RBM4: variants seen among roughly 807,000 people sequenced by gnomAD.
RBM4 encodes RNA binding motif protein 4, also known as RNA-binding protein 4.
A neutral mutation model predicts 29.5 loss-of-function variants in RBM4; 7 were observed. That is an observed-to-expected ratio of 0.24 (90% CI 0.14 to 0.45). The LOEUF is 0.45. Ranked by LOEUF, RBM4 falls within the 20% of genes least tolerant of loss-of-function variation. The pLI, the probability that RBM4 is intolerant of heterozygous loss-of-function variation, is 1.00. For synonymous variants in RBM4, 220 were observed against 205.4 expected (o/e 1.07, Z -0.61); for missense variants, 387 against 502.3 (o/e 0.77, Z 2.19).
chr11:66,648,444 C>T (rs1938755757), downstream of RBM4, among the ~76,000 whole-genome samples: 1 of 151,986 alleles, frequency 6.6e-6, no homozygotes, highest in Non-Finnish European at 1.5e-5. Flanking sequence ...ATCACTTGAA[C>T]CCAGAAAGTC....
intron 2 of RBM4, among the ~76,000 whole-genome samples, chr11:66,661,899 G>T (rs753022098): frequency 6.6e-6 from 1 of 152,054 alleles, no homozygotes; most frequent in South Asian, 2.1e-4. Context: ...GCGTGGTGGC[G>T]CGCGACTGTG....
chr11:66,660,204 T>G lies in RBM4; in HGVS notation c.413-5652T>G, dbSNP rs745743565. ...TTTAGAGCTAACTTAACTTCAGGTC[T>G]TAGCTTCAGGATCAAGTATTGGAAT... is the stretch of plus-strand genomic sequence containing the variant. On this transcript the variant is annotated intron_variant, in intron 2 of 2. Coordinates refer to the RBM4 transcript ENST00000396053. Among the ~76,000 whole-genome samples the G allele has an allele frequency of 6.5e-4, 98 of 151,720 alleles. 1 individual carries two copies. The highest frequency in any genetic ancestry group is 3.4e-3 in the Middle Eastern group (1 of 294).
chr11:66,665,710 G>C (rs1590877710), intron 2 of RBM4: 57 of 1,439,172 alleles, frequency 4.0e-5, no homozygotes, highest in Non-Finnish European at 5.0e-5. Context: ...AGTCAGACTG[G>C]ATCTAACTCA....
intron 2 of RBM4, among the ~76,000 whole-genome samples, chr11:66,651,623 C>T (rs1054312630): frequency 2.6e-5 from 4 of 152,208 alleles, no homozygotes; most frequent in African/African-American, 9.6e-5. Flanking sequence ...GCTGGGATTA[C>T]AGGCGTGAGC....
rs1938565972 is a variant in RBM4 at position 66,643,702 on chromosome 11, A to C, written c.665A>C (p.Tyr222Ser). ...GCGTACGGAGCGCTCGATGCCTACT[A>C]CAAGCGCTGCCGTGCTGCCCGGTCC... ...NNAYGALDAY[Y>S]KRCRAARSYE... The change falls in exon 3 of 4, where the codon TAC becomes TCC. Residue 222 changes from tyrosine (Y) to serine (S), a missense_variant. Around this residue, in one of 2 missense-constraint regions of RBM4, gnomAD observed 281 missense variants for 288.7 expected, o/e 0.97. Transcript: ENST00000310092. The surrounding 1 kb of genome is among the most constrained non-coding windows in gnomAD (Gnocchi z 6.1). 1 of 1,614,016 alleles carries C rather than the reference A, an allele frequency of 6.2e-7. No individual in the cohort carries two copies.
At position 66,646,318 on chromosome 11, in the gene RBM4, TC is replaced by T; in HGVS notation, c.*303del. ...CTGTGGTGGGGGCTGTGCTGTCTCC[TC>T]CCTGCCTCCTGCCTCCTGCGGCTGT... is the stretch of plus-strand genomic sequence containing the variant. On this transcript the variant is annotated 3_prime_UTR_variant, in exon 4 of 4. Transcript: ENST00000310092. 1 of 1,301,490 alleles carries T rather than the reference TC, an allele frequency of 7.7e-7. No homozygotes were observed. Among genetic ancestry groups the T allele is most frequent in the Non-Finnish European group, 9.8e-7 (1 of 1,020,920 alleles). 80.6% of individuals were successfully genotyped at this position (1,301,490 alleles called of 1,614,324 possible). A position where few individuals can be genotyped will look rare whatever the true frequency, so the allele number is the denominator to read the frequency against.
chr11:66,643,710 T>G lies in RBM4; in HGVS notation c.673T>G (p.Cys225Gly), dbSNP rs746995930. The G allele has an allele frequency of 1.2e-6, 2 of 1,614,150 alleles. No homozygotes were observed. The highest frequency in any genetic ancestry group is 1.7e-5 in the Admixed American group (1 of 60,016). The change falls in exon 3 of 4, where the codon TGC (cysteine) becomes GGC (glycine). Residue 225 changes from cysteine (C) to glycine (G), a missense_variant. Cys to Gly is a radical substitution (Grantham distance 159). Coordinates refer to ENST00000310092, the MANE Select transcript of RBM4 (RefSeq NM_002896.4). This position sits in a 1 kb window ranked among gnomAD's most constrained non-coding sequence, Gnocchi z 6.1. ...YGALDAYYKR[C>G]RAARSYEAVA... ...AGCGCTCGATGCCTACTACAAGCGC[T>G]GCCGTGCTGCCCGGTCCTATGAGGC...
intron 2 of RBM4, chr11:66,665,051 G>A (rs1387507479): frequency 6.6e-6 from 1 of 152,544 alleles, no homozygotes; most frequent in African/African-American, 2.4e-5. Context: ...AAAGGGAGGA[G>A]TGGAGTAAAA....
At chr11:66,642,239 T>C (rs1938498167) in intron 2 of RBM4, among the ~76,000 whole-genome samples, 1 of 152,256 alleles carries the variant, frequency 6.6e-6, no homozygotes, top group African/African-American at 2.4e-5. Flanking sequence ...TTTACCACTT[T>C]CTCTAATGTT....
chr11:66,656,274 C>T (rs1166694978), intron 2 of RBM4, among the ~76,000 whole-genome samples: 1 of 152,062 alleles, frequency 6.6e-6, no homozygotes, highest in Non-Finnish European at 1.5e-5. Flanking sequence ...GTAGCTGGGA[C>T]TACAGGCACC....
exon 3 of RBM4, chr11:66,666,096 A>G: frequency 1.1e-6 from 1 of 872,134 alleles, no homozygotes; most frequent in Non-Finnish European, 1.7e-6. Context: ...ACCCAATTCC[A>G]ACACACCTAC....
rs1938690593 is a variant in RBM4 at position 66,646,324 on chromosome 11, C to A, written c.*306C>A. The A allele has an allele frequency of 7.8e-7, 1 of 1,279,014 alleles. No homozygotes were observed. The highest frequency in any genetic ancestry group is 9.9e-7 in the Non-Finnish European group (1 of 1,008,014). The allele number at this position is 1,279,014 out of a possible 1,614,324, so 79.2% of individuals were successfully genotyped here. ...TGGGGGCTGTGCTGTCTCCTCCCTG[C>A]CTCCTGCCTCCTGCGGCTGTTGGAT... On this transcript the variant is annotated 3_prime_UTR_variant, in exon 4 of 4. Transcript: ENST00000310092.
rs1938370891 is a variant in RBM4 at position 66,640,083 on chromosome 11, A to C, written c.372A>C (p.Ala124=). The C allele has an allele frequency of 3.7e-6, 6 of 1,614,132 alleles. No homozygotes were observed. Among genetic ancestry groups the C allele is most frequent in the Non-Finnish European group, 5.1e-6 (6 of 1,180,052 alleles). ...TACACATGGAGCGGGCAGAGGATGCAGTGGAGGCCATCAGGGGCCTTGATA... is the reference window on the plus strand; with the variant it reads ...TACACATGGAGCGGGCAGAGGATGCCGTGGAGGCCATCAGGGGCCTTGATA... ...AFVHMERAED[A]VEAIRGLDNT... The change falls in exon 2 of 4, where the codon GCA becomes GCC. Residue 124 remains alanine, a synonymous_variant. Coordinates refer to ENST00000310092, the MANE Select transcript of RBM4 (RefSeq NM_002896.4).
At chr11:66,654,627 G>GGGT (rs1938904654) in intron 2 of RBM4, among the ~76,000 whole-genome samples, 1 of 151,454 alleles carries the variant, frequency 6.6e-6, no homozygotes, top group Non-Finnish European at 1.5e-5. Context: ...TCAGCCTCCT[G>GGGT]GGTAGCTGGG....
intron 2 of RBM4, among the ~76,000 whole-genome samples, chr11:66,651,692 A>G (rs1938835623): frequency 2.0e-5 from 3 of 152,144 alleles, no homozygotes; most frequent in South Asian, 4.1e-4. Flanking sequence ...GTAACAAAAG[A>G]CCGTAAGACT....
chr11:66,657,545 T>C (rs1041420852), intron 2 of RBM4, among the ~76,000 whole-genome samples: 11 of 151,216 alleles, frequency 7.3e-5, no homozygotes, highest in African/African-American at 2.4e-4. Flanking sequence ...TAGCCAGTTG[T>C]CGTGGTGCGC....
At chr11:66,664,917 A>T (rs1939169451) in intron 2 of RBM4, 1 of 152,344 alleles carries the variant, frequency 6.6e-6, no homozygotes, top group African/African-American at 2.4e-5. Flanking sequence ...TTCCTTCTAT[A>T]TCTAAATTTC....
intron 2 of RBM4, among the ~76,000 whole-genome samples, chr11:66,657,791 G>A (rs1486065584): frequency 1.3e-5 from 2 of 150,288 alleles, no homozygotes; most frequent in Non-Finnish European, 2.9e-5. Context: ...AGGCTGGAGT[G>A]CCGTGTTCAA....
chr11:66,645,744 T>C (rs934398865), intron 3 of RBM4, among the ~76,000 whole-genome samples: 1 of 152,196 alleles, frequency 6.6e-6, no homozygotes, highest in African/African-American at 2.4e-5. Context: ...GGAATGCTAA[T>C]GTTAACATCA....
Sources: gnomAD v4.1 joint callset for allele counts (sites outside exome capture counted in the v4.1 genomes callset) on GRCh38, gnomAD v4.1.1 for gene constraint, gnomAD v4.1.1 regional missense constraint, Gnocchi (gnomAD v3.1) non-coding constraint, MANE v1.5 for transcripts, NCBI Gene and HGNC (gene_info 2026-07-23, HGNC 2026-07-21) for gene names.